The following TMEM117 variants were observed in gnomAD, a reference collection of about 807,000 sequenced individuals.
TMEM117 encodes transmembrane protein 117.
Under a neutral mutation model 52.4 loss-of-function variants are expected in TMEM117, and 27 were observed. The observed-to-expected ratio is 0.51, with a 90% CI of 0.38 to 0.71. The LOEUF is 0.71. Ranked by LOEUF, TMEM117 falls within the 30% of genes least tolerant of loss-of-function variation. The probability of loss-of-function intolerance (pLI) is 0.00; values close to 1 mark genes in which losing one functional copy is unlikely to be tolerated. For missense variants in TMEM117, 556 were observed against 630.5 expected (o/e 0.88, Z 1.26); for synonymous variants, 215 against 206.3 (o/e 1.04, Z -0.36).
chr12:44,097,597 T>C (rs142499007), intron 3 of TMEM117, among the ~76,000 whole-genome samples: 1,719 of 151,572 alleles, frequency 0.011, 20 homozygotes, highest in South Asian at 0.05. Context: ...TCATCATTCT[T>C]AGCAAACTAT....
In TMEM117 at chr12:44,008,810, G is replaced by A. The variant is rs545484082; in HGVS notation, c.410+64468G>A. 12 of 443,512 alleles carry A rather than the reference G, an allele frequency of 2.7e-5. No homozygotes were observed. The East Asian group carries it at 6.5e-4, about 24-fold the overall frequency. The allele number at this position is 443,512 out of a possible 1,614,324, so 27.5% of individuals were successfully genotyped here. A position where few individuals can be genotyped will look rare whatever the true frequency, so the allele number is the denominator to read the frequency against. On this transcript the variant is annotated intron_variant, in intron 3 of 7. Coordinates refer to ENST00000266534, the MANE Select transcript of TMEM117 (RefSeq NM_032256.3). ...TTTTCCACATTCATGACATTTAAAG[G>A]ACTTCTCTCCCATATGAATTATTTG...
intron 3 of TMEM117, among the ~76,000 whole-genome samples, chr12:44,056,176 T>C (rs1041462046): frequency 2.0e-5 from 3 of 152,300 alleles, no homozygotes; most frequent in Non-Finnish European, 2.9e-5. Flanking sequence ...CATAGCTTAC[T>C]GCAGCCTTGA....
intron 2 of TMEM117, among the ~76,000 whole-genome samples, chr12:43,884,374 T>TA (rs1196494237): frequency 6.6e-6 from 1 of 152,094 alleles, no homozygotes; most frequent in Non-Finnish European, 1.5e-5. Flanking sequence ...CTCAATGGAA[T>TA]AAAAAAATTC....
chr12:44,019,081 C>A (rs992773339), intron 3 of TMEM117, among the ~76,000 whole-genome samples: 7 of 152,066 alleles, frequency 4.6e-5, no homozygotes, highest in African/African-American at 1.4e-4. Flanking sequence ...TGGGCAGAGG[C>A]CAGGGAAGGA....
intron 2 of TMEM117, among the ~76,000 whole-genome samples, chr12:43,923,870 T>C (rs1050562457): frequency 1.5e-4 from 23 of 152,246 alleles, no homozygotes; most frequent in African/African-American, 5.5e-4. Context: ...ATGTCAGTAA[T>C]AGTCAGCAGT....
intron 3 of TMEM117, among the ~76,000 whole-genome samples, chr12:44,057,814 G>GA (rs982386575): frequency 2.0e-5 from 3 of 152,106 alleles, no homozygotes; most frequent in Admixed American, 1.3e-4. Context: ...TCTAGAAATA[G>GA]AAAAAATATG....
At chr12:44,127,519 A>G (rs1948345538) in intron 3 of TMEM117, among the ~76,000 whole-genome samples, 1 of 152,146 alleles carries the variant, frequency 6.6e-6, no homozygotes, top group South Asian at 2.1e-4. Context: ...TCTATTAAAA[A>G]TACAAAATTA....
intron 5 of TMEM117, among the ~76,000 whole-genome samples, chr12:44,254,765 G>A (rs565623438): frequency 6.6e-6 from 1 of 151,658 alleles, no homozygotes; most frequent in Non-Finnish European, 1.5e-5. Context: ...CCATTAACTC[G>A]TCATTTAGCA....
At chr12:44,362,717 A>G (rs576515874) in intron 6 of TMEM117, among the ~76,000 whole-genome samples, 13 of 152,200 alleles carry the variant, frequency 8.5e-5, no homozygotes, top group Non-Finnish European at 1.9e-4. Flanking sequence ...GTTAGAGTAA[A>G]GAGAAGTGAC....
At position 43,878,604 on chromosome 12, in the gene TMEM117, A is replaced by G. The variant is rs530032403; in HGVS notation, c.277+33676A>G. Among the ~76,000 whole-genome samples, 16 of 152,356 alleles carry G rather than the reference A, an allele frequency of 1.1e-4. No individual in the cohort carries two copies. The South Asian group carries it at 3.3e-3, about 32-fold the overall frequency. On this transcript the variant is annotated intron_variant, in intron 2 of 7. Coordinates refer to ENST00000266534, the MANE Select transcript of TMEM117 (RefSeq NM_032256.3). The stretch of plus-strand genomic sequence containing the variant: ...AGGTTGTAGCTAAATGCATGCTTTT[A>G]TTAACTCACTAGATGTATGCTGTGA...
intron 4 of TMEM117, among the ~76,000 whole-genome samples, chr12:44,163,492 T>G (rs533213262): frequency 9.3e-4 from 142 of 152,352 alleles, no homozygotes; most frequent in Non-Finnish European, 1.3e-3. Flanking sequence ...GTGACAGACT[T>G]ACCTAATGTT....
At chr12:43,884,149 A>G (rs904947536) in intron 2 of TMEM117, among the ~76,000 whole-genome samples, 3 of 151,462 alleles carry the variant, frequency 2.0e-5, no homozygotes, top group African/African-American at 7.3e-5. Context: ...AAAAAAAAAA[A>G]GAAAGAAAGA....
At chr12:44,258,305 T>C (rs151014050) in intron 5 of TMEM117, among the ~76,000 whole-genome samples, 11 of 152,288 alleles carry the variant, frequency 7.2e-5, no homozygotes, top group Admixed American at 6.5e-4. Flanking sequence ...CCTCAGGTAA[T>C]TACTGTCTAT....
chr12:44,198,243 G>T (rs967351592), intron 4 of TMEM117, among the ~76,000 whole-genome samples: 1 of 152,060 alleles, frequency 6.6e-6, no homozygotes, highest in Non-Finnish European at 1.5e-5. Flanking sequence ...GCAGCAGAAG[G>T]GTGGTAAAAC....
At chr12:43,849,818 G>A (rs528999774) in intron 2 of TMEM117, among the ~76,000 whole-genome samples, 6 of 152,186 alleles carry the variant, frequency 3.9e-5, no homozygotes, top group Admixed American at 1.3e-4. Flanking sequence ...CTCCGAACTT[G>A]TCACCTCTCA....
intron 3 of TMEM117, among the ~76,000 whole-genome samples, chr12:43,964,875 A>C (rs985074047): frequency 6.6e-6 from 1 of 152,236 alleles, no homozygotes; most frequent in African/African-American, 2.4e-5. Context: ...AAATTAGTTA[A>C]GTTATTGAAT....
At chr12:43,960,335 G>A (rs1945381498) in intron 3 of TMEM117, among the ~76,000 whole-genome samples, 2 of 148,828 alleles carry the variant, frequency 1.3e-5, no homozygotes, top group Non-Finnish European at 3.0e-5. Context: ...AGGGAAGGGG[G>A]TAAGAGGGAG....
At chr12:43,990,041 C>G (rs1945911947) in intron 3 of TMEM117, among the ~76,000 whole-genome samples, 2 of 152,050 alleles carry the variant, frequency 1.3e-5, no homozygotes, top group South Asian at 4.1e-4. Context: ...AAGATTTAAG[C>G]TAGTACATAA....
At chr12:44,184,260 G>T (rs1418987189) in intron 4 of TMEM117, among the ~76,000 whole-genome samples, 1 of 152,146 alleles carries the variant, frequency 6.6e-6, no homozygotes, top group Non-Finnish European at 1.5e-5. Context: ...GCAGGAGAAT[G>T]ACTTGAACCT....
Sources: gnomAD v4.1 joint callset for allele counts (sites outside exome capture counted in the v4.1 genomes callset) on GRCh38, gnomAD v4.1.1 for gene constraint, MANE v1.5 for transcripts, NCBI Gene and HGNC (gene_info 2026-07-23, HGNC 2026-07-21) for gene names.